Variants in JAZF1 observed in about 807,000 individuals in gnomAD.
JAZF1 encodes juxtaposed with another zinc finger protein 1.
In JAZF1, 8 loss-of-function variants were observed where a neutral mutation model predicts 26.4. That is an observed-to-expected ratio of 0.30 (90% CI 0.18 to 0.55). The LOEUF is 0.55. JAZF1 is among the 20% of genes least tolerant of loss of function. JAZF1 has a pLI of 0.94. For missense variants in JAZF1, 199 were observed against 322.0 expected, an observed-to-expected ratio of 0.62 and a Z score of 2.92; for synonymous variants, 126 against 122.3, an observed-to-expected ratio of 1.03 and a Z score of -0.20.
At chr7:28,106,782 C>A (rs776643106) in intron 1 of JAZF1, among the ~76,000 whole-genome samples, 40 of 152,290 alleles carry the variant, frequency 2.6e-4, no homozygotes, top group South Asian at 8.3e-4. Flanking sequence ...GCTGTGAGCA[C>A]CATGCACCCC....
chr7:27,922,226 C>G (rs1172690151), intron 2 of JAZF1, among the ~76,000 whole-genome samples: 1 of 152,192 alleles, frequency 6.6e-6, no homozygotes, highest in East Asian at 1.9e-4. Context: ...TTTCGAACCA[C>G]ATTTTATGTT....
chr7:28,035,340 A>AAAAAAAAAAAG (rs1562565710), intron 1 of JAZF1, among the ~76,000 whole-genome samples: 14 of 145,414 alleles, frequency 9.6e-5, no homozygotes, highest in East Asian at 6.4e-4. Context: ...AAAAAAAAAA[A>AAAAAAAAAAAG]AAAGAAAGAA....
At chr7:27,907,867 T>C (rs575017745) in intron 2 of JAZF1, among the ~76,000 whole-genome samples, 20 of 152,306 alleles carry the variant, frequency 1.3e-4, no homozygotes, top group Non-Finnish European at 2.6e-4. Context: ...CTGTGCTGCT[T>C]TGGGACTCAG....
At chr7:28,136,903 C>T (rs1782894524) in intron 1 of JAZF1, among the ~76,000 whole-genome samples, 1 of 152,120 alleles carries the variant, frequency 6.6e-6, no homozygotes. Context: ...GCCTGCAGGC[C>T]GCAGGGTGGA....
intron 3 of JAZF1, chr7:27,843,556 CAA>C (rs1212813024): frequency 1.3e-5 from 2 of 152,076 alleles, no homozygotes; most frequent in African/African-American, 4.8e-5. Flanking sequence ...GTTGTGAAAC[CAA>C]ACAAAATAAT....
chr7:28,175,073 TA>T (rs946543254), intron 1 of JAZF1, among the ~76,000 whole-genome samples: 1 of 152,222 alleles, frequency 6.6e-6, no homozygotes, highest in African/African-American at 2.4e-5. Flanking sequence ...TGCCTCTTTC[TA>T]GTCCTGGATT....
At chr7:27,853,672 T>C (rs1396114825) in intron 3 of JAZF1, among the ~76,000 whole-genome samples, 4 of 152,254 alleles carry the variant, frequency 2.6e-5, no homozygotes, top group Admixed American at 6.5e-5. Flanking sequence ...AGTTTCCATG[T>C]AGTTGTACAG....
At chr7:27,897,805 G>A (rs577704315) in intron 2 of JAZF1, among the ~76,000 whole-genome samples, 3 of 152,258 alleles carry the variant, frequency 2.0e-5, no homozygotes, top group Admixed American at 6.5e-5. Context: ...AGACTCCCAC[G>A]TGCACTGCTG....
At chr7:28,108,529 T>C (rs923225689) in intron 1 of JAZF1, among the ~76,000 whole-genome samples, 3 of 152,130 alleles carry the variant, frequency 2.0e-5, no homozygotes, top group Non-Finnish European at 4.4e-5. Context: ...GATCTGATCA[T>C]CCCATGAGGC....
rs183099074 is a variant in JAZF1 at position 28,119,904 on chromosome 7, T to C, written c.115+60559A>G. Among the ~76,000 whole-genome samples, 660 of 152,340 alleles carry C rather than the reference T, an allele frequency of 4.3e-3. 18 individuals carry two copies. The highest frequency in any genetic ancestry group is 6.8e-4 in the Non-Finnish European group (46 of 68,034). On this transcript the variant is annotated intron_variant, in intron 1 of 4. Transcript: ENST00000283928. Reference sequence around the variant, plus strand: ...TAACTGTAAACATTACCTATACATATATCTGTATCAACAGTTATATTCTAC... The same window carrying C: ...TAACTGTAAACATTACCTATACATACATCTGTATCAACAGTTATATTCTAC...
intron 2 of JAZF1, among the ~76,000 whole-genome samples, chr7:27,941,421 T>C (rs1354681815): frequency 1.3e-5 from 2 of 152,212 alleles, no homozygotes; most frequent in Non-Finnish European, 2.9e-5. Context: ...TCAGCCTTAA[T>C]GAGTATTTAT....
intron 2 of JAZF1, among the ~76,000 whole-genome samples, chr7:27,914,040 G>A (rs186382593): frequency 3.1e-3 from 467 of 152,322 alleles, no homozygotes; most frequent in African/African-American, 0.011. Flanking sequence ...GAATGAATAA[G>A]AGGGGCGGGA....
chr7:28,118,316 A>G (rs1022056044), intron 1 of JAZF1: 3 of 152,102 alleles, frequency 2.0e-5, no homozygotes, highest in Non-Finnish European at 1.5e-5. Flanking sequence ...GGAGTTCAAG[A>G]CCAGCCTGGC....
chr7:28,070,371 C>T (rs1014785372), intron 1 of JAZF1, among the ~76,000 whole-genome samples: 4 of 152,232 alleles, frequency 2.6e-5, no homozygotes, highest in African/African-American at 7.2e-5. Context: ...CATGTGGCCA[C>T]ATTTTCCTCT....
At chr7:27,921,887 A>G (rs1029780996) in intron 2 of JAZF1, among the ~76,000 whole-genome samples, 4 of 152,202 alleles carry the variant, frequency 2.6e-5, no homozygotes, top group Admixed American at 6.5e-5. Context: ...ATTTTTTTAA[A>G]AAAAGAATTT....
intron 4 of JAZF1, among the ~76,000 whole-genome samples, chr7:27,839,238 G>C (rs1052632824): frequency 6.6e-6 from 1 of 152,126 alleles, no homozygotes; most frequent in African/African-American, 2.4e-5. Context: ...ACATGGCCGA[G>C]GTGCAAGACA....
intron 1 of JAZF1, among the ~76,000 whole-genome samples, chr7:28,164,536 A>G (rs989100993): frequency 3.9e-5 from 6 of 152,230 alleles, no homozygotes; most frequent in Non-Finnish European, 8.8e-5. Context: ...TTCTGACAGT[A>G]AAGTGTTTCC....
intron 1 of JAZF1, among the ~76,000 whole-genome samples, chr7:28,011,576 A>G (rs1782800281): frequency 6.6e-6 from 1 of 152,228 alleles, no homozygotes; most frequent in South Asian, 2.1e-4. Flanking sequence ...TTTGACCCTT[A>G]TAAACACACG....
intron 3 of JAZF1, among the ~76,000 whole-genome samples, chr7:27,872,179 A>G (rs1026335504): frequency 6.6e-6 from 1 of 152,196 alleles, no homozygotes; most frequent in East Asian, 1.9e-4. Flanking sequence ...CAGGAAAAAC[A>G]TGATAAACCA....
Sources: gnomAD v4.1 joint callset for allele counts (sites outside exome capture counted in the v4.1 genomes callset) on GRCh38, gnomAD v4.1.1 for gene constraint, MANE v1.5 for transcripts, NCBI Gene and HGNC (gene_info 2026-07-23, HGNC 2026-07-21) for gene names.